Variants in NAV1 observed in about 807,000 individuals in gnomAD.
NAV1 encodes the protein neuron navigator 1, also known as pore membrane and/or filament interacting like protein 3.
NAV1 carries 18 observed loss-of-function variants against 175.2 expected under a neutral mutation model. The observed-to-expected ratio is 0.10, with a 90% CI of 0.07 to 0.15. The LOEUF is 0.15. Among genes scored for constraint, NAV1 ranks in the 10% least tolerant of loss-of-function variants. NAV1 has a pLI of 1.00. For synonymous variants in NAV1, 897 were observed against 978.7 expected (o/e 0.92, Z 1.56); for missense variants, 1,731 against 2,436.6 (o/e 0.71, Z 6.10).
At chr1:201,664,800 C>A (rs1457968171) in intron 1 of NAV1, among the ~76,000 whole-genome samples, 1 of 152,184 alleles carries the variant, frequency 6.6e-6, no homozygotes, top group Non-Finnish European at 1.5e-5. Context: ...TGCTCATGAG[C>A]CGTGGTATGC....
intron 1 of NAV1, among the ~76,000 whole-genome samples, chr1:201,567,224 A>G (rs1344237385): frequency 6.6e-6 from 1 of 151,884 alleles, no homozygotes; most frequent in Non-Finnish European, 1.5e-5. Context: ...TGCAGGGGGG[A>G]GTGGACAAAC....
intron 1 of NAV1, among the ~76,000 whole-genome samples, chr1:201,582,582 C>G (rs1305662058): frequency 2.0e-5 from 3 of 152,210 alleles, no homozygotes; most frequent in Non-Finnish European, 4.4e-5. Flanking sequence ...CCAGCTCCCC[C>G]ACACAGAGAA....
intron 3 of NAV1, among the ~76,000 whole-genome samples, chr1:201,746,213 C>A (rs541640724): frequency 6.6e-6 from 1 of 152,190 alleles, no homozygotes; most frequent in South Asian, 2.1e-4. Context: ...TTTCTAGGGG[C>A]CAGGGGATTT....
At chr1:201,591,801 T>TGG (rs1225152514) in intron 2 of NAV1, among the ~76,000 whole-genome samples, 3 of 152,042 alleles carry the variant, frequency 2.0e-5, no homozygotes, top group Non-Finnish European at 2.9e-5. Context: ...GTGAGAAAGC[T>TGG]GAATCGTGAG....
intron 1 of NAV1, among the ~76,000 whole-genome samples, chr1:201,676,319 T>C (rs1670247218): frequency 1.3e-5 from 2 of 152,216 alleles, no homozygotes; most frequent in Admixed American, 6.5e-5. Context: ...GCTGCACTTA[T>C]TTCAGCCAGG....
chr1:201,604,681 A>T (rs1667621654), intron 2 of NAV1, among the ~76,000 whole-genome samples: 1 of 129,464 alleles, frequency 7.7e-6, no homozygotes, highest in Non-Finnish European at 1.7e-5. Context: ...ACTCTGTCAG[A>T]AAAAAAAAAA....
chr1:201,585,621 C>CA (rs146902321), intron 1 of NAV1, among the ~76,000 whole-genome samples: 30 of 151,380 alleles, frequency 2.0e-4, no homozygotes, highest in Middle Eastern at 3.4e-3. Context: ...TTAACAATGA[C>CA]AAAAAAAACT....
At chr1:201,768,807 G>A (rs1675379040) in intron 3 of NAV1, among the ~76,000 whole-genome samples, 1 of 152,100 alleles carries the variant, frequency 6.6e-6, no homozygotes, top group Non-Finnish European at 1.5e-5. Context: ...ATTTCACGTG[G>A]TTTAACATAA....
At chr1:201,683,321 G>T (rs914519764) in intron 1 of NAV1, among the ~76,000 whole-genome samples, 1 of 152,104 alleles carries the variant, frequency 6.6e-6, no homozygotes, top group Non-Finnish European at 1.5e-5. Context: ...GGTCTATACC[G>T]GCGATCCCCA....
intron 1 of NAV1, among the ~76,000 whole-genome samples, chr1:201,551,680 A>T (rs2102453614): frequency 6.6e-6 from 1 of 152,320 alleles, no homozygotes; most frequent in Non-Finnish European, 1.5e-5. Context: ...AGCTACTTTA[A>T]AGTACACCAC....
At chr1:201,580,027 C>T (rs910749375) in intron 1 of NAV1, among the ~76,000 whole-genome samples, 3 of 152,146 alleles carry the variant, frequency 2.0e-5, no homozygotes, top group East Asian at 1.9e-4. Flanking sequence ...TGGTCTCTGG[C>T]GCAAATCCCA....
In NAV1 at chr1:201,648,622, C is replaced by G. The variant is rs760048457; in HGVS notation, c.-47C>G. 3 of 1,292,010 alleles carry G rather than the reference C, an allele frequency of 2.3e-6. No homozygotes were observed. The highest frequency in any genetic ancestry group is 2.9e-6 in the Non-Finnish European group (3 of 1,025,304). The allele number at this position is 1,292,010 out of a possible 1,614,324, so 80.0% of individuals were successfully genotyped here. ...CGCTCCCGCCCCCTGCCCCCTCCCC[C>G]CGTGCCTGCAGACGCGCGGATCGTC... On this transcript the variant is annotated 5_prime_UTR_variant, in exon 1 of 30. Transcript: ENST00000367296.
At chr1:201,761,998 T>TAA (rs796720228) in intron 3 of NAV1, among the ~76,000 whole-genome samples, 3 of 146,730 alleles carry the variant, frequency 2.0e-5, no homozygotes, top group African/African-American at 7.5e-5. Flanking sequence ...ACAAAAAAAT[T>TAA]AAAAAAAAAA....
chr1:201,579,422 C>T (rs1436342072), intron 1 of NAV1, among the ~76,000 whole-genome samples: 1 of 152,178 alleles, frequency 6.6e-6, no homozygotes, highest in Non-Finnish European at 1.5e-5. Context: ...GTGGCACAAT[C>T]ATGGCTCACT....
chr1:201,649,104 C>T, exon 1 of NAV1: 1 of 1,612,884 alleles, frequency 6.2e-7, no homozygotes, highest in Non-Finnish European at 8.5e-7. Flanking sequence ...GGAGCACTCG[C>T]TCTTCCAGGC....
intron 2 of NAV1, among the ~76,000 whole-genome samples, chr1:201,717,232 G>A (rs1250643571): frequency 1.3e-5 from 2 of 152,218 alleles, no homozygotes; most frequent in East Asian, 3.8e-4. Context: ...AGCAATGGAT[G>A]TGTTCACAGA....
upstream of NAV1, among the ~76,000 whole-genome samples, chr1:201,644,654 C>T (rs754284583): frequency 2.0e-5 from 3 of 152,226 alleles, no homozygotes; most frequent in Non-Finnish European, 2.9e-5. Flanking sequence ...ATTTTATAAA[C>T]TGACAGGTGA....
chr1:201,785,335 C>T, exon 8 of NAV1: 2 of 1,611,996 alleles, frequency 1.2e-6, no homozygotes, highest in Non-Finnish European at 1.7e-6. Context: ...GAACACTCTT[C>T]CCAAGAAAGG....
intron 13 of NAV1, 156 bp from the exon 18 acceptor site, chr1:201,793,636 C>A: frequency 1.5e-6 from 1 of 647,732 alleles, no homozygotes; most frequent in Non-Finnish European, 2.7e-6. Context: ...CCTTTGTCTG[C>A]TCAGGAAAAT....
Sources: allele counts gnomAD v4.1 joint callset (sites outside exome capture counted in the v4.1 genomes callset), GRCh38; gene constraint gnomAD v4.1.1; transcripts MANE v1.5; gene names NCBI Gene and HGNC (gene_info 2026-07-23, HGNC 2026-07-21).